The following TENM2 variants were observed in gnomAD, a reference collection of about 807,000 sequenced individuals.
TENM2 encodes the protein teneurin transmembrane protein 2.
TENM2 carries 52 observed loss-of-function variants against 245.2 expected under a neutral mutation model. The ratio of observed to expected loss-of-function variants is 0.21; its 90% CI spans 0.17 to 0.27. The LOEUF is 0.27. Among genes scored for constraint, TENM2 ranks in the 10% least tolerant of loss-of-function variants. The pLI, the probability that TENM2 is intolerant of heterozygous loss-of-function variation, is 1.00. For synonymous variants in TENM2, 1,363 were observed against 1,438.9 expected (o/e 0.95, Z 1.19); for missense variants, 3,046 against 3,666.8 (o/e 0.83, Z 4.37).
At chr5:167,867,660 A>C (rs13175544) in intron 2 of TENM2, among the ~76,000 whole-genome samples, 10,850 of 152,298 alleles carry the variant, frequency 0.071, 582 homozygotes, top group Non-Finnish European at 0.1. Context: ...GATGATGTGG[A>C]ATAGAACAAA....
chr5:168,248,916 C>T (rs138907458), intron 27 of TENM2, among the ~76,000 whole-genome samples: 194 of 152,210 alleles, frequency 1.3e-3, no homozygotes, highest in African/African-American at 4.5e-3. Context: ...GTCAGGAGTT[C>T]AAGATCAGCC....
chr5:168,121,170 T>C (rs1795443624), intron 10 of TENM2, among the ~76,000 whole-genome samples: 1 of 152,214 alleles, frequency 6.6e-6, no homozygotes, highest in South Asian at 2.1e-4. Context: ...AACCCTTTTT[T>C]GTCAAACCTA....
At chr5:167,572,815 A>G (rs1420384208) in intron 2 of TENM2, among the ~76,000 whole-genome samples, 1 of 152,202 alleles carries the variant, frequency 6.6e-6, no homozygotes, top group African/African-American at 2.4e-5. Context: ...GGATGCAGTA[A>G]AAGTCTGTAG....
intron 13 of TENM2, among the ~76,000 whole-genome samples, chr5:168,181,428 A>G (rs1162912036): frequency 6.6e-6 from 1 of 152,038 alleles, no homozygotes; most frequent in Non-Finnish European, 1.5e-5. Flanking sequence ...TTTTTTTCCC[A>G]CATCCATCCT....
chr5:167,015,390 C>A, the TENM2 span, among the ~76,000 whole-genome samples: 1 of 152,064 alleles, frequency 6.6e-6, no homozygotes, highest in Admixed American at 6.5e-5. Flanking sequence ...GATATTTTAG[C>A]CTGCGTGTGT....
chr5:168,075,816 G>A (rs1791416070), intron 7 of TENM2, among the ~76,000 whole-genome samples: 1 of 152,216 alleles, frequency 6.6e-6, no homozygotes, highest in South Asian at 2.1e-4. Context: ...CATGGCAGAA[G>A]CCAAAGGAGA....
At chr5:167,042,332 G>A in the TENM2 span, among the ~76,000 whole-genome samples, 1 of 152,264 alleles carries the variant, frequency 6.6e-6, no homozygotes, top group Admixed American at 6.5e-5. Context: ...GCAACCAAAA[G>A]GAGAGGGAAG....
chr5:167,691,896 C>G (rs1298268544), intron 2 of TENM2, among the ~76,000 whole-genome samples: 1 of 152,108 alleles, frequency 6.6e-6, no homozygotes, highest in Non-Finnish European at 1.5e-5. Flanking sequence ...AAGTGATACA[C>G]AAAAAACTAT....
At chr5:167,276,070 T>G in the TENM2 span, among the ~76,000 whole-genome samples, 1 of 152,062 alleles carries the variant, frequency 6.6e-6, no homozygotes, top group Admixed American at 6.6e-5. Context: ...GGTGTGTAAT[T>G]GTGTTTATAT....
the TENM2 span, among the ~76,000 whole-genome samples, chr5:167,095,945 A>G: frequency 6.6e-6 from 1 of 151,932 alleles, no homozygotes; most frequent in Non-Finnish European, 1.5e-5. Flanking sequence ...TAATTTTTGT[A>G]TATTTAAGTA....
chr5:168,263,898 GAC>G (rs1768425858), downstream of TENM2: 1 of 152,190 alleles, frequency 6.6e-6, no homozygotes, highest in South Asian at 2.1e-4. Context: ...ACAATCACAT[GAC>G]AGTCACCACG....
chr5:167,484,450 A>G (rs1372767781), intron 2 of TENM2, among the ~76,000 whole-genome samples: 2 of 152,140 alleles, frequency 1.3e-5, no homozygotes, highest in East Asian at 1.9e-4. Context: ...GAAGATGTCC[A>G]TATATGAATC....
intron 1 of TENM2, among the ~76,000 whole-genome samples, chr5:167,354,919 A>G (rs978614802): frequency 1.3e-5 from 2 of 152,232 alleles, no homozygotes; most frequent in Admixed American, 6.5e-5. Context: ...GATTAAGGAC[A>G]CATATTTGCC....
chr5:167,372,502 C>T (rs183716189), intron 1 of TENM2, among the ~76,000 whole-genome samples: 106 of 152,330 alleles, frequency 7.0e-4, no homozygotes, highest in African/African-American at 2.4e-3. Flanking sequence ...CTCCTGTCCT[C>T]ATACAACTTT....
chr5:167,247,902 C>T, the TENM2 span, among the ~76,000 whole-genome samples: 57 of 152,146 alleles, frequency 3.7e-4, 1 homozygote, highest in African/African-American at 1.3e-3. Context: ...CTAAATCCAT[C>T]GTATCACAGG....
the TENM2 span, among the ~76,000 whole-genome samples, chr5:167,199,789 A>G: frequency 6.6e-6 from 1 of 152,152 alleles, no homozygotes; most frequent in Non-Finnish European, 1.5e-5. Context: ...GCTCCTAGAA[A>G]GAAGAGACTG....
At chr5:167,746,409 C>T (rs750621486) in intron 2 of TENM2, among the ~76,000 whole-genome samples, 26 of 152,070 alleles carry the variant, frequency 1.7e-4, no homozygotes, top group Non-Finnish European at 3.4e-4. Flanking sequence ...GCAAATGTAT[C>T]AATTATCTGC....
At chr5:167,632,333 AGAGAAAATT>A (rs1778928842) in intron 2 of TENM2, among the ~76,000 whole-genome samples, 1 of 152,244 alleles carries the variant, frequency 6.6e-6, no homozygotes, top group Admixed American at 6.5e-5. Flanking sequence ...GGAAGTTCTT[AGAGAAAATT>A]GTTCTACATG....
intron 3 of TENM2, among the ~76,000 whole-genome samples, chr5:167,878,691 A>G (rs924468489): frequency 1.3e-5 from 2 of 152,176 alleles, no homozygotes; most frequent in African/African-American, 4.8e-5. Flanking sequence ...TAAATTTGAC[A>G]TAAAGGATTG....
Sources: allele counts gnomAD v4.1 joint callset (sites outside exome capture counted in the v4.1 genomes callset), GRCh38; gene constraint gnomAD v4.1.1; transcripts MANE v1.5; gene names NCBI Gene and HGNC (gene_info 2026-07-23, HGNC 2026-07-21).